Variants in AOPEP observed in about 807,000 individuals in gnomAD.
The protein encoded by AOPEP is aminopeptidase O (putative), also known as aminopeptidase O.
AOPEP carries 77 observed loss-of-function variants against 98.1 expected under a neutral mutation model. The ratio of observed to expected loss-of-function variants is 0.78; its 90% CI spans 0.65 to 0.95. The LOEUF is 0.95. Ranked by LOEUF, AOPEP falls within the 40% of genes least tolerant of loss-of-function variation. AOPEP has a pLI of 0.00. For synonymous variants in AOPEP, 346 were observed against 365.3 expected, an observed-to-expected ratio of 0.95 and a Z score of 0.60; for missense variants, 1,024 against 1,024.7, an observed-to-expected ratio of 1.00 and a Z score of 0.01.
chr9:94,878,894 A>C (rs1335568439), intron 5 of AOPEP, among the ~76,000 whole-genome samples: 2 of 152,236 alleles, frequency 1.3e-5, no homozygotes, highest in Non-Finnish European at 2.9e-5. Context: ...TAATTCACGC[A>C]GAGCTGGCTT....
At chr9:94,757,331 A>T (rs1279433627) in intron 1 of AOPEP, among the ~76,000 whole-genome samples, 1 of 152,254 alleles carries the variant, frequency 6.6e-6, no homozygotes, top group Admixed American at 6.5e-5. Context: ...AGAGTATGCG[A>T]AAGAATCCAC....
At chr9:95,117,129 G>A in the AOPEP span, among the ~76,000 whole-genome samples, 2 of 152,146 alleles carry the variant, frequency 1.3e-5, no homozygotes, top group African/African-American at 2.4e-5. Flanking sequence ...ATCACAACTG[G>A]GAAGCCAAGC....
chr9:94,860,266 TG>T (rs1191903853), intron 5 of AOPEP, among the ~76,000 whole-genome samples: 1 of 152,134 alleles, frequency 6.6e-6, no homozygotes, highest in East Asian at 1.9e-4. Context: ...TGGAATTTAG[TG>T]ACCTATGGGA....
At chr9:94,988,869 A>G (rs996113596) in intron 11 of AOPEP, among the ~76,000 whole-genome samples, 3 of 151,232 alleles carry the variant, frequency 2.0e-5, no homozygotes, top group Admixed American at 2.0e-4. Context: ...TAATTATCTC[A>G]TATTCTGAAA....
intron 5 of AOPEP, among the ~76,000 whole-genome samples, chr9:94,805,407 G>A (rs934552324): frequency 5.9e-5 from 9 of 151,890 alleles, no homozygotes; most frequent in Admixed American, 1.3e-4. Flanking sequence ...TTTTGACATC[G>A]TTGGTCACAG....
chr9:94,837,410 C>G (rs1235658009), intron 5 of AOPEP, among the ~76,000 whole-genome samples: 2 of 152,282 alleles, frequency 1.3e-5, no homozygotes, highest in African/African-American at 4.8e-5. Flanking sequence ...TTCTATGAAG[C>G]CAGTATCACC....
the AOPEP span, among the ~76,000 whole-genome samples, chr9:95,096,764 T>G: frequency 2.0e-5 from 3 of 152,348 alleles, no homozygotes; most frequent in Admixed American, 2.0e-4. Context: ...TTTCCCTTCA[T>G]GAGAACCTCA....
the AOPEP span, among the ~76,000 whole-genome samples, chr9:95,116,057 A>C: frequency 6.6e-6 from 1 of 152,248 alleles, no homozygotes; most frequent in Non-Finnish European, 1.5e-5. Flanking sequence ...GCCCGAAGCC[A>C]CCTATTTATA....
the AOPEP span, among the ~76,000 whole-genome samples, chr9:95,141,771 C>A: frequency 6.6e-6 from 1 of 152,058 alleles, no homozygotes; most frequent in Non-Finnish European, 1.5e-5. Context: ...AAATTAGGTT[C>A]TTCTGATAGA....
chr9:95,114,423 T>A, the AOPEP span: 1 of 655,476 alleles, frequency 1.5e-6, no homozygotes, highest in Admixed American at 2.1e-5. Flanking sequence ...CATGCATACA[T>A]GCGCATGCCT....
At chr9:95,042,608 G>C (rs1375112276) in intron 13 of AOPEP, among the ~76,000 whole-genome samples, 4 of 152,192 alleles carry the variant, frequency 2.6e-5, no homozygotes, top group African/African-American at 9.7e-5. Flanking sequence ...CTCTAGGAGA[G>C]AATCTAGTTC....
At chr9:94,738,698 C>G (rs963440733) in intron 1 of AOPEP, among the ~76,000 whole-genome samples, 63 of 152,276 alleles carry the variant, frequency 4.1e-4, no homozygotes, top group African/African-American at 1.4e-3. Flanking sequence ...CTCAGCCTCC[C>G]GAGTAGCTGG....
intron 7 of AOPEP, chr9:94,931,619 C>A (rs892198357): frequency 2.1e-5 from 17 of 793,426 alleles, no homozygotes; most frequent in Middle Eastern, 2.3e-4. Flanking sequence ...CCCTTAAAAA[C>A]AATCAGATGC....
chr9:94,957,219 T>C (rs113349150), intron 9 of AOPEP, among the ~76,000 whole-genome samples: 4,375 of 152,284 alleles, frequency 0.029, 239 homozygotes, highest in African/African-American at 0.1. Context: ...GTTGTTTTTT[T>C]GTTGTTGGAG....
intron 3 of AOPEP, among the ~76,000 whole-genome samples, chr9:94,790,754 T>C (rs1003073310): frequency 6.6e-5 from 10 of 152,048 alleles, no homozygotes; most frequent in Admixed American, 2.6e-4. Flanking sequence ...TAATCTCTAT[T>C]ATTGGTTTTT....
intron 9 of AOPEP, 21 bp from the exon 10 acceptor site, chr9:94,967,737 A>G (rs1564460187): frequency 6.2e-6 from 10 of 1,607,866 alleles, no homozygotes; most frequent in Non-Finnish European, 8.5e-6. Flanking sequence ...ATCTTTAATG[A>G]TTTGCTTTTT....
At chr9:95,111,333 T>C in the AOPEP span, 2 of 1,597,652 alleles carry the variant, frequency 1.3e-6, no homozygotes, top group Non-Finnish European at 8.5e-7. Flanking sequence ...CAGGTTGCCA[T>C]GACATATGCC....
chr9:94,839,380 C>T (rs939312676), intron 5 of AOPEP, among the ~76,000 whole-genome samples: 7 of 152,050 alleles, frequency 4.6e-5, no homozygotes, highest in Non-Finnish European at 7.4e-5. Flanking sequence ...TGAGCCAACC[C>T]GCCCAGCCTA....
At chr9:95,111,199 A>C in the AOPEP span, 8 of 1,536,086 alleles carry the variant, frequency 5.2e-6, no homozygotes, top group African/African-American at 1.1e-4. Context: ...TAACAGATCA[A>C]ATGACCTTGG....
Sources: allele counts gnomAD v4.1 joint callset (sites outside exome capture counted in the v4.1 genomes callset), GRCh38; gene constraint gnomAD v4.1.1; transcripts MANE v1.5; gene names NCBI Gene and HGNC (gene_info 2026-07-23, HGNC 2026-07-21).